Variants in CEP350 observed in about 807,000 individuals in gnomAD.
CEP350 encodes centrosome-associated protein 350.
CEP350 carries 126 observed loss-of-function variants against 331.8 expected under a neutral mutation model. The observed-to-expected ratio is 0.38, with a 90% CI of 0.33 to 0.44. The LOEUF (loss-of-function observed/expected upper bound fraction) is 0.44, where lower values mean the gene tolerates loss of function less well. CEP350 is among the 20% of genes least tolerant of loss of function. The pLI, the probability that CEP350 is intolerant of heterozygous loss-of-function variation, is 1.00. For synonymous variants in CEP350, 1,200 were observed against 1,259.5 expected (o/e 0.95, Z 1.00); for missense variants, 3,406 against 3,634.6 (o/e 0.94, Z 1.62).
chr1:180,033,899 A>C lies in CEP350; in HGVS notation c.3763A>C (p.Thr1255Pro), dbSNP rs571973384. 29 of 1,613,888 alleles carry C rather than the reference A, an allele frequency of 1.8e-5. 1 individual carries two copies. In the South Asian group the frequency reaches 3.0e-4, roughly 16 times the overall value. The change falls in exon 16 of 38, where the codon ACT becomes CCT. Residue 1255 changes from threonine (T) to proline (P), a missense_variant. Physicochemically the swap from Thr to Pro is conservative, Grantham distance 38. Coordinates refer to ENST00000367607, the MANE Select transcript of CEP350 (RefSeq NM_014810.5). The part of the protein sequence containing the change: ...SDKGRSQKTP[T>P]SPLSPSSQKS... ...TAAGGGAAGATCTCAGAAAACTCCA[A>C]CTTCTCCCCTGTCACCAAGTTCCCA...
At chr1:180,004,031 C>T (rs1191269056) in intron 7 of CEP350, among the ~76,000 whole-genome samples, 1 of 152,146 alleles carries the variant, frequency 6.6e-6, no homozygotes, top group Non-Finnish European at 1.5e-5. Context: ...ATACAACACT[C>T]TATTCAGAAA....
intron 1 of CEP350, among the ~76,000 whole-genome samples, chr1:179,974,110 C>T (rs1162479535): frequency 1.3e-5 from 2 of 150,900 alleles, no homozygotes; most frequent in East Asian, 1.9e-4. Context: ...GATGGAGTCT[C>T]GCTCTGTTGC....
At chr1:180,069,350 C>T (rs1332150606) in intron 27 of CEP350, among the ~76,000 whole-genome samples, 4 of 152,060 alleles carry the variant, frequency 2.6e-5, no homozygotes, top group South Asian at 2.1e-4. Flanking sequence ...TGATCAATGT[C>T]GAAATCTTCA....
At chr1:179,966,693 G>A (rs1334002519) in intron 1 of CEP350, among the ~76,000 whole-genome samples, 1 of 152,130 alleles carries the variant, frequency 6.6e-6, no homozygotes, top group Non-Finnish European at 1.5e-5. Context: ...AGACATATGA[G>A]GCCTCTAACT....
Position 180,052,975 on chromosome 1 carries a change from A to G in CEP350, c.4798A>G (p.Thr1600Ala). ...VPSLPDEKDS[T>A]SIATEYSLKF... Reference sequence around the variant, plus strand: ...CTTTCTCCATATTCTTTTAGACTCAACGTCTATTGCAACAGAATATTCTCT... The same window carrying G: ...CTTTCTCCATATTCTTTTAGACTCAGCGTCTATTGCAACAGAATATTCTCT... The change falls in exon 23 of 38, where the codon ACG becomes GCG. Residue 1600 changes from threonine to alanine, a missense_variant. By Grantham distance (58) the Thr-to-Ala change is moderately conservative. Transcript: ENST00000367607. 8.0e-7 allele frequency: 1 copy of G among 1,248,420 alleles called. No individual in the cohort carries two copies. The highest frequency in any genetic ancestry group is 1.2e-6 in the Non-Finnish European group (1 of 864,794). The allele number at this position is 1,248,420 out of a possible 1,614,324, so 77.3% of individuals were successfully genotyped here.
At chr1:180,050,813 C>T (rs1437567733) in intron 22 of CEP350, among the ~76,000 whole-genome samples, 4 of 151,738 alleles carry the variant, frequency 2.6e-5, no homozygotes, top group Non-Finnish European at 5.9e-5. Flanking sequence ...TCTTCAACAT[C>T]GTATATCATT....
At chr1:180,005,493 C>T (rs1046200177) in intron 7 of CEP350, among the ~76,000 whole-genome samples, 2 of 152,172 alleles carry the variant, frequency 1.3e-5, no homozygotes, top group South Asian at 4.2e-4. Flanking sequence ...CCACCTAGAT[C>T]GAGGCCACCA....
At chr1:179,991,411 G>A (rs1653055976) in intron 4 of CEP350, among the ~76,000 whole-genome samples, 1 of 149,280 alleles carries the variant, frequency 6.7e-6, no homozygotes, top group African/African-American at 2.5e-5. Context: ...CTACGTCCTG[G>A]GTTTAAGCGA....
At chr1:180,048,325 G>T (rs1657264917) in intron 21 of CEP350, among the ~76,000 whole-genome samples, 1 of 152,106 alleles carries the variant, frequency 6.6e-6, no homozygotes, top group South Asian at 2.1e-4. Flanking sequence ...TTATTTAAAA[G>T]TGAAACCTTC....
chr1:180,094,245 A>C lies in CEP350; in HGVS notation c.8140A>C (p.Lys2714Gln). ...EDNLYAEASE[K>Q]LCTPLLDLLT... ...CAACCTATATGCTGAAGCTTCAGAAAAGCTTTGTACACCACTTCTGGATCT... is the reference window on the plus strand; with the variant it reads ...CAACCTATATGCTGAAGCTTCAGAACAGCTTTGTACACCACTTCTGGATCT... The change falls in exon 34 of 38, where the codon AAG (lysine) becomes CAG (glutamine). Residue 2714 changes from lysine (K) to glutamine (Q), a missense_variant. Coordinates refer to ENST00000367607, the MANE Select transcript of CEP350 (RefSeq NM_014810.5). 1.2e-6 allele frequency: 2 copies of C among 1,613,280 alleles called. No homozygotes were observed. The highest frequency in any genetic ancestry group is 8.5e-7 in the Non-Finnish European group (1 of 1,179,624).
intron 1 of CEP350, among the ~76,000 whole-genome samples, chr1:179,972,675 G>T (rs527432161): frequency 6.6e-6 from 1 of 150,562 alleles, no homozygotes; most frequent in Admixed American, 6.6e-5. Context: ...CTGCCGAAAA[G>T]AGTGTTTTTA....
chr1:180,094,334 G>C lies in CEP350; in HGVS notation c.8229G>C (p.Lys2743Asn). ...AGTCATCACTAAATGAGGAAAAAAA[G>C]TCAAAACAACAACTGGAAAAAATCA... Reference protein sequence around the residue: ...QLKSSLNEEKKSKQQLEKISL... With the variant: ...QLKSSLNEEKNSKQQLEKISL... Residue 2743 changes from lysine (K) to asparagine (N), a missense_variant, in exon 34 of 38, where the codon AAG becomes AAC. By Grantham distance (94) the Lys-to-Asn change is moderately conservative. This residue lies in a region of CEP350 where 1,415 missense variants were observed against 1,512.3 expected (regional missense o/e 0.94). Coordinates refer to ENST00000367607, the MANE Select transcript of CEP350 (RefSeq NM_014810.5). 1.2e-6 allele frequency: 2 copies of C among 1,613,824 alleles called. No individual in the cohort carries two copies. Among genetic ancestry groups the C allele is most frequent in the Non-Finnish European group, 1.7e-6 (2 of 1,179,828 alleles).
intron 11 of CEP350, among the ~76,000 whole-genome samples, chr1:180,017,165 C>G (rs1655031617): frequency 6.6e-6 from 1 of 152,070 alleles, no homozygotes; most frequent in South Asian, 2.1e-4. Flanking sequence ...AGAAAGCTTT[C>G]TCAAAGGTCA....
At chr1:180,100,778 C>T (rs934442710) in intron 37 of CEP350, among the ~76,000 whole-genome samples, 3 of 152,148 alleles carry the variant, frequency 2.0e-5, no homozygotes, top group African/African-American at 7.2e-5. Flanking sequence ...TACATGGCAG[C>T]AGTAAGAGAA....
At chr1:180,033,779 T>A in intron 15 of CEP350, 83 bp from the exon 16 acceptor site, 2 of 1,363,372 alleles carry the variant, frequency 1.5e-6, no homozygotes, top group Admixed American at 2.3e-5. Flanking sequence ...ATAGTTTTTT[T>A]ATATGTTGTT....
intron 29 of CEP350, 36 bp from the exon 30 acceptor site, chr1:180,080,481 A>G (rs750592373): frequency 6.3e-7 from 1 of 1,588,796 alleles, no homozygotes. Context: ...CAATTATATC[A>G]AAAAATAGTT....
intron 12 of CEP350, among the ~76,000 whole-genome samples, chr1:180,022,267 G>C (rs113761558): frequency 6.7e-6 from 1 of 150,290 alleles, no homozygotes; most frequent in East Asian, 1.9e-4. Context: ...TTTTTAATAA[G>C]AAAATTGTTT....
In CEP350 at chr1:180,092,816, C is replaced by G. The variant is rs1234767470; in HGVS notation, c.6711C>G (p.Ala2237=). The G allele has an allele frequency of 1.3e-6, 2 of 1,569,892 alleles. No individual in the cohort carries two copies. Among genetic ancestry groups the G allele is most frequent in the Non-Finnish European group, 8.7e-7 (1 of 1,155,962 alleles). Residue 2237 remains alanine, a synonymous_variant, in exon 34 of 38, where the codon GCC becomes GCG. Coordinates refer to ENST00000367607, the MANE Select transcript of CEP350 (RefSeq NM_014810.5). The part of the protein sequence containing the change: ...PALHLLKELN[A]TSRILDMSDG... The stretch of plus-strand genomic sequence containing the variant: ...TACATCTTCTCAAAGAATTAAATGC[C>G]ACTAGTAGAATTCTTGATATGTCAG...
At chr1:180,022,341 A>G (rs1223319140) in intron 12 of CEP350, among the ~76,000 whole-genome samples, 1 of 152,128 alleles carries the variant, frequency 6.6e-6, no homozygotes, top group Non-Finnish European at 1.5e-5. Context: ...TTAGAGATGA[A>G]ATGAGAATGA....
Sources: allele counts gnomAD v4.1 joint callset (sites outside exome capture counted in the v4.1 genomes callset), GRCh38; gene constraint gnomAD v4.1.1; regional missense constraint gnomAD v4.1.1; transcripts MANE v1.5; gene names NCBI Gene and HGNC (gene_info 2026-07-23, HGNC 2026-07-21).